The following ARHGEF7 variants were observed in gnomAD, a reference collection of about 807,000 sequenced individuals.
ARHGEF7 encodes PAK-interacting exchange factor beta.
ARHGEF7 carries 33 observed loss-of-function variants against 109.8 expected under a neutral mutation model. The ratio of observed to expected loss-of-function variants is 0.30; its 90% CI spans 0.23 to 0.40. ARHGEF7 has a LOEUF of 0.40. Ranked by LOEUF, ARHGEF7 falls within the 10% of genes least tolerant of loss-of-function variation. The pLI is 1.00. For synonymous variants in ARHGEF7, 458 were observed against 424.6 expected (o/e 1.08, Z -0.97); for missense variants, 938 against 1,098.5 (o/e 0.85, Z 2.07).
intron 3 of ARHGEF7, among the ~76,000 whole-genome samples, chr13:111,208,463 CAT>C (rs2082135531): frequency 6.6e-6 from 1 of 152,194 alleles, no homozygotes; most frequent in African/African-American, 2.4e-5. Context: ...CTCTTAAAAT[CAT>C]ATGTGTTCTC....
At chr13:111,197,229 AC>A (rs1392633488) in intron 2 of ARHGEF7, among the ~76,000 whole-genome samples, 1 of 151,640 alleles carries the variant, frequency 6.6e-6, no homozygotes, top group Non-Finnish European at 1.5e-5. Flanking sequence ...GTGCTCGCCG[AC>A]GCAGCAGCAG....
intron 4 of ARHGEF7, among the ~76,000 whole-genome samples, chr13:111,214,045 A>G (rs752127126): frequency 6.6e-6 from 1 of 152,172 alleles, no homozygotes; most frequent in African/African-American, 2.4e-5. Flanking sequence ...GTATGTTGCG[A>G]CGTTTCACCT....
chr13:111,240,941 A>C (rs78687165), intron 6 of ARHGEF7, among the ~76,000 whole-genome samples: 3 of 152,128 alleles, frequency 2.0e-5, no homozygotes, highest in African/African-American at 4.8e-5. Flanking sequence ...CGAGATTGGC[A>C]GTGGAAGTTG....
chr13:111,119,893 G>A (rs1330240322), intron 1 of ARHGEF7, among the ~76,000 whole-genome samples: 6 of 152,152 alleles, frequency 3.9e-5, no homozygotes, highest in African/African-American at 1.4e-4. Flanking sequence ...ATCACATGTG[G>A]TGGTAGGGTA....
intron 17 of ARHGEF7, among the ~76,000 whole-genome samples, chr13:111,287,035 C>T (rs1275688913): frequency 6.6e-6 from 1 of 152,220 alleles, no homozygotes; most frequent in Non-Finnish European, 1.5e-5. Flanking sequence ...GGAGGCCCAG[C>T]AGCCGTCCCA....
intron 19 of ARHGEF7, among the ~76,000 whole-genome samples, chr13:111,299,033 TC>T (rs1271814921): frequency 6.6e-6 from 1 of 152,234 alleles, no homozygotes; most frequent in Non-Finnish European, 1.5e-5. Context: ...TCCCAGGACG[TC>T]ATCTTATCTT....
Position 111,221,377 on chromosome 13 carries a change from CTA to C in ARHGEF7, c.670+3506_670+3507del, listed in dbSNP as rs531289663. Among the ~76,000 whole-genome samples the C allele has an allele frequency of 1.5e-3, 26 of 17,644 alleles. 9 individuals carry two copies. Among genetic ancestry groups the C allele is most frequent in the South Asian group, 5.0e-3 (2 of 402 alleles). 11.6% of individuals were successfully genotyped at this position (17,644 alleles called of 152,430 possible). ...TCTATATATATATCTATATATATATCTATATATATAGATGTCTATATATCTAT... is the reference window on the plus strand; with the variant it reads ...TCTATATATATATCTATATATATATCTATATATAGATGTCTATATATCTAT... On this transcript the variant is annotated intron_variant, in intron 5 of 21. Coordinates refer to ENST00000646102, the MANE Select transcript of ARHGEF7 (RefSeq NM_001354046.2).
intron 1 of ARHGEF7, among the ~76,000 whole-genome samples, chr13:111,142,451 A>G (rs943251345): frequency 1.2e-4 from 1 of 8,346 alleles, no homozygotes; most frequent in Non-Finnish European, 3.2e-4. Context: ...TACACATCTT[A>G]TTCACAACTA....
chr13:111,161,107 A>G (rs1413741045), intron 2 of ARHGEF7, among the ~76,000 whole-genome samples: 6 of 146,710 alleles, frequency 4.1e-5, no homozygotes, highest in Non-Finnish European at 7.7e-5. Context: ...CTATAATGAA[A>G]ATATCCCTAA....
At chr13:111,153,784 G>C in intron 1 of ARHGEF7, 121 bp from the exon 2 acceptor site, 1 of 1,382,514 alleles carries the variant, frequency 7.2e-7, no homozygotes, top group Non-Finnish European at 9.3e-7. Flanking sequence ...CCAGGCCGTC[G>C]GGGGCCGCTC....
At chr13:111,210,373 G>A (rs917220626) in intron 4 of ARHGEF7, among the ~76,000 whole-genome samples, 1 of 152,172 alleles carries the variant, frequency 6.6e-6, no homozygotes, top group African/African-American at 2.4e-5. Context: ...ACTCAGCTCC[G>A]TAAAGAAGAG....
chr13:111,177,143 T>TA (rs1331963272), intron 2 of ARHGEF7, among the ~76,000 whole-genome samples: 4 of 152,220 alleles, frequency 2.6e-5, no homozygotes, highest in African/African-American at 9.6e-5. Context: ...TTTAAACCTG[T>TA]ACCAGTGCTG....
chr13:111,300,702 C>T (rs778278516), intron 19 of ARHGEF7, 46 bp from the exon 20 acceptor site: 2 of 1,288,594 alleles, frequency 1.6e-6, no homozygotes, highest in South Asian at 2.7e-5. Context: ...TTCATTCTGC[C>T]ATGGTATTCG....
At position 111,289,178 on chromosome 13, in the gene ARHGEF7, C is replaced by T. The variant is rs184072356; in HGVS notation, c.2134+735C>T. On this transcript the variant is annotated intron_variant, in intron 18 of 21. Transcript: ENST00000646102. ...TCCTGAGTTCCTGGGATTACAGGTG[C>T]GCACCACCACGCCCGGCTAATTTTT... Among the ~76,000 whole-genome samples, 36 of 152,156 alleles carry T rather than the reference C, an allele frequency of 2.4e-4. No homozygotes were observed. In the East Asian group the frequency reaches 5.8e-3, roughly 25 times the overall value.
rs190052112 is a variant in ARHGEF7 at position 111,193,268 on chromosome 13, C to T, written c.253-12021C>T. ...CTGTTTCAGTTGGGGAATACTGGGG[C>T]TTAATCTCTTGGAGGGGGTTGTTCC... is the stretch of plus-strand genomic sequence containing the variant. On this transcript the variant is annotated intron_variant, in intron 2 of 21. Transcript: ENST00000646102. Among the ~76,000 whole-genome samples the T allele has an allele frequency of 2.4e-3, 361 of 152,298 alleles. 1 individual carries two copies. Among genetic ancestry groups the T allele is most frequent in the African/African-American group, 8.2e-3 (339 of 41,572 alleles).
At chr13:111,166,805 C>T (rs921367642) in intron 2 of ARHGEF7, among the ~76,000 whole-genome samples, 1 of 152,176 alleles carries the variant, frequency 6.6e-6, no homozygotes, top group African/African-American at 2.4e-5. Context: ...GGGATGCGGC[C>T]TGGGCTGGGA....
chr13:111,292,416 T>C, intron 19 of ARHGEF7, 122 bp downstream of exon 19: 2 of 1,502,298 alleles, frequency 1.3e-6, no homozygotes, highest in Non-Finnish European at 1.8e-6. Context: ...CCTTGTCTCT[T>C]TTATGTGATA....
At chr13:111,197,185 C>G (rs1410673453) in intron 2 of ARHGEF7, among the ~76,000 whole-genome samples, 1 of 151,612 alleles carries the variant, frequency 6.6e-6, no homozygotes, top group Non-Finnish European at 1.5e-5. Context: ...CACCTCTTGC[C>G]CAAGAACCCT....
intron 5 of ARHGEF7, among the ~76,000 whole-genome samples, chr13:111,230,166 GTTTAT>G (rs2085840120): frequency 6.6e-6 from 1 of 152,018 alleles, no homozygotes; most frequent in South Asian, 2.1e-4. Flanking sequence ...CATTTTTCGA[GTTTAT>G]TTTAAGAAAG....
Sources: allele counts gnomAD v4.1 joint callset (sites outside exome capture counted in the v4.1 genomes callset), GRCh38; gene constraint gnomAD v4.1.1; transcripts MANE v1.5; gene names NCBI Gene and HGNC (gene_info 2026-07-23, HGNC 2026-07-21).